Variants in SUPT3H observed in about 807,000 individuals in gnomAD.
SUPT3H encodes SPT3 homolog, SAGA and STAGA complex component.
SUPT3H carries 44 observed loss-of-function variants against 44.3 expected under a neutral mutation model. That is an observed-to-expected ratio of 0.99 (90% CI 0.78 to 1.28). The LOEUF (loss-of-function observed/expected upper bound fraction) is 1.28, where lower values mean the gene tolerates loss of function less well. Ranked by LOEUF, SUPT3H falls within the 50% of genes most tolerant of loss-of-function variation. The pLI, the probability that SUPT3H is intolerant of heterozygous loss-of-function variation, is 0.00. For synonymous variants in SUPT3H, 124 were observed against 125.6 expected (o/e 0.99, Z 0.09); for missense variants, 380 against 387.1 (o/e 0.98, Z 0.15).
At chr6:44,951,229 G>A (rs1774255420) in intron 9 of SUPT3H, among the ~76,000 whole-genome samples, 1 of 144,036 alleles carries the variant, frequency 6.9e-6, no homozygotes, top group Non-Finnish European at 1.5e-5. Flanking sequence ...ACTGCAACTA[G>A]AGAAGGTTTT....
chr6:45,007,833 C>T (rs1782935311), intron 5 of SUPT3H, among the ~76,000 whole-genome samples: 1 of 151,658 alleles, frequency 6.6e-6, no homozygotes, highest in Non-Finnish European at 1.5e-5. Context: ...AAATGATTCC[C>T]TATCTCAATC....
intron 2 of SUPT3H, among the ~76,000 whole-genome samples, chr6:45,362,505 A>G (rs553218764): frequency 3.9e-5 from 6 of 152,356 alleles, no homozygotes; most frequent in African/African-American, 1.4e-4. Flanking sequence ...TTAAATGTAT[A>G]TTGAGTCTAA....
At chr6:44,907,677 C>CA (rs1467693855) in intron 10 of SUPT3H, among the ~76,000 whole-genome samples, 1 of 151,970 alleles carries the variant, frequency 6.6e-6, no homozygotes, top group Admixed American at 6.6e-5. Flanking sequence ...GACTCTGTCT[C>CA]AAAAAAGGAA....
intron 2 of SUPT3H, chr6:45,321,663 A>G (rs1401441760): frequency 1.6e-6 from 1 of 632,910 alleles, no homozygotes; most frequent in African/African-American, 1.9e-5. Context: ...CAAGTTTCAC[A>G]TGCATGTTGA....
chr6:45,359,601 A>G (rs1793870411), intron 2 of SUPT3H, among the ~76,000 whole-genome samples: 2 of 152,364 alleles, frequency 1.3e-5, no homozygotes, highest in South Asian at 4.1e-4. Context: ...ATCCAAAATT[A>G]TGAAATAACA....
At chr6:45,235,450 T>C (rs1768911351) in intron 2 of SUPT3H, among the ~76,000 whole-genome samples, 1 of 151,934 alleles carries the variant, frequency 6.6e-6, no homozygotes, top group African/African-American at 2.4e-5. Context: ...AAGAGCTCCT[T>C]AGAAACAGAA....
chr6:45,316,355 A>C (rs58902999), intron 2 of SUPT3H, among the ~76,000 whole-genome samples: 27,304 of 151,872 alleles, frequency 0.18, 3,814 homozygotes, highest in African/African-American at 0.39. Flanking sequence ...AAAAAATAAA[A>C]ATGAATCAGG....
chr6:45,258,614 A>C (rs1017243691), intron 2 of SUPT3H, among the ~76,000 whole-genome samples: 3 of 152,230 alleles, frequency 2.0e-5, no homozygotes, highest in Non-Finnish European at 4.4e-5. Flanking sequence ...GATAATTACA[A>C]GTCAGTCAGT....
At chr6:45,118,144 A>C (rs1323820192) in intron 2 of SUPT3H, among the ~76,000 whole-genome samples, 1 of 152,114 alleles carries the variant, frequency 6.6e-6, no homozygotes, top group Non-Finnish European at 1.5e-5. Flanking sequence ...ATAGATATTT[A>C]TATACACTAT....
chr6:44,865,993 T>C (rs1449669975), intron 10 of SUPT3H, among the ~76,000 whole-genome samples: 1 of 152,094 alleles, frequency 6.6e-6, no homozygotes, highest in Non-Finnish European at 1.5e-5. Context: ...AGAGCTCTGC[T>C]TGACAAACTA....
intron 2 of SUPT3H, among the ~76,000 whole-genome samples, chr6:45,286,116 A>C (rs1380852526): frequency 2.0e-5 from 3 of 151,690 alleles, no homozygotes; most frequent in Non-Finnish European, 2.9e-5. Context: ...TAAAGACTTA[A>C]ATGTTAGCCC....
chr6:45,241,561 G>A (rs1770331733), intron 2 of SUPT3H, among the ~76,000 whole-genome samples: 1 of 152,126 alleles, frequency 6.6e-6, no homozygotes, highest in African/African-American at 2.4e-5. Context: ...AAATATGTGG[G>A]TAAATCTCTG....
At chr6:45,120,417 T>TA (rs71687494) in intron 2 of SUPT3H, among the ~76,000 whole-genome samples, 27,772 of 50,372 alleles carry the variant, frequency 0.55, 8,550 homozygotes, top group Non-Finnish European at 0.62. Context: ...AGACCTTGTC[T>TA]AAAAAAAAAA....
intron 2 of SUPT3H, among the ~76,000 whole-genome samples, chr6:45,128,997 ATTCT>A (rs1259202360): frequency 6.6e-6 from 1 of 152,136 alleles, no homozygotes; most frequent in Non-Finnish European, 1.5e-5. Flanking sequence ...CTATTAAAAG[ATTCT>A]TTGTCACATT....
chr6:45,248,452 C>T lies in SUPT3H; in HGVS notation c.101+116749G>A, dbSNP rs146404727. Among the ~76,000 whole-genome samples the T allele has an allele frequency of 9.0e-4, 137 of 152,198 alleles. 1 individual carries two copies. Among genetic ancestry groups the T allele is most frequent in the African/African-American group, 3.2e-3 (132 of 41,530 alleles). Reference sequence around the variant, plus strand: ...AAAAAAGGAAAATGCTGAGCAGATACTTCACCAAGGAAGGTTTACAGATAG... The same window carrying T: ...AAAAAAGGAAAATGCTGAGCAGATATTTCACCAAGGAAGGTTTACAGATAG... On this transcript the variant is annotated intron_variant, in intron 2 of 10. Coordinates refer to ENST00000371459, the MANE Select transcript of SUPT3H (RefSeq NM_003599.4).
chr6:45,305,371 A>T (rs1001403514), intron 2 of SUPT3H, among the ~76,000 whole-genome samples: 1 of 152,218 alleles, frequency 6.6e-6, no homozygotes, highest in African/African-American at 2.4e-5. Context: ...TATAAAATGA[A>T]TGGTCGTGTT....
intron 6 of SUPT3H, among the ~76,000 whole-genome samples, chr6:44,970,088 G>C (rs554801113): frequency 7.2e-5 from 11 of 151,768 alleles, no homozygotes; most frequent in Admixed American, 2.6e-4. Flanking sequence ...ATATCCTATG[G>C]GTCTAAATAT....
intron 3 of SUPT3H, chr6:45,097,469 A>G (rs1797947434): frequency 6.6e-6 from 1 of 152,236 alleles, no homozygotes; most frequent in African/African-American, 2.4e-5. Flanking sequence ...GGGGAAGCCC[A>G]CCTAGCTTAA....
At chr6:45,036,774 G>A (rs1787735700) in intron 3 of SUPT3H, among the ~76,000 whole-genome samples, 1 of 152,120 alleles carries the variant, frequency 6.6e-6, no homozygotes, top group South Asian at 2.1e-4. Context: ...GGAAGTAGAG[G>A]ATGTGTTCCA....
Sources: gnomAD v4.1 joint callset for allele counts (sites outside exome capture counted in the v4.1 genomes callset) on GRCh38, gnomAD v4.1.1 for gene constraint, MANE v1.5 for transcripts, NCBI Gene and HGNC (gene_info 2026-07-23, HGNC 2026-07-21) for gene names.